Variants in SELENOI observed in about 807,000 individuals in gnomAD.
SELENOI encodes ethanolaminephosphotransferase 1.
Under a neutral mutation model 50.7 loss-of-function variants are expected in SELENOI, and 24 were observed. The observed-to-expected ratio is 0.47, with a 90% CI of 0.34 to 0.67. SELENOI has a LOEUF of 0.67. Ranked by LOEUF, SELENOI falls within the 30% of genes least tolerant of loss-of-function variation. The probability of loss-of-function intolerance (pLI) is 0.01; values close to 1 mark genes in which losing one functional copy is unlikely to be tolerated. For missense variants in SELENOI, 352 were observed against 461.4 expected (o/e 0.76, Z 2.17); for synonymous variants, 155 against 170.2 (o/e 0.91, Z 0.70).
intron 1 of SELENOI, 88 bp from the exon 2 acceptor site, chr2:26,364,214 C>A (rs1558414557): frequency 3.1e-6 from 3 of 979,014 alleles, no homozygotes; most frequent in Non-Finnish European, 4.7e-6. Context: ...CTGCGCCTGG[C>A]TTTACTATTA....
At chr2:26,374,492 G>A (rs1677523799) in intron 5 of SELENOI, among the ~76,000 whole-genome samples, 1 of 151,794 alleles carries the variant, frequency 6.6e-6, no homozygotes. Context: ...CTGTTAAAGT[G>A]CTCCAAATGA....
chr2:26,377,294 C>T (rs1677587883), intron 6 of SELENOI, among the ~76,000 whole-genome samples: 1 of 151,910 alleles, frequency 6.6e-6, no homozygotes, highest in Admixed American at 6.6e-5. Flanking sequence ...CTGCCATCTC[C>T]AATATGCTGT....
intron 9 of SELENOI, among the ~76,000 whole-genome samples, 191 bp downstream of exon 9, chr2:26,386,727 A>G (rs1485487217): frequency 6.6e-6 from 1 of 152,184 alleles, no homozygotes; most frequent in Non-Finnish European, 1.5e-5. Context: ...TTGTTTCTCT[A>G]ATGAGTATGT....
intron 6 of SELENOI, among the ~76,000 whole-genome samples, chr2:26,382,390 G>A (rs1677724884): frequency 6.6e-6 from 1 of 152,212 alleles, no homozygotes; most frequent in Non-Finnish European, 1.5e-5. Context: ...TTTCAGTTTA[G>A]TGGATAGTCA....
rs1322359354 is a variant in SELENOI at position 26,391,239 on chromosome 2, T to C, written c.*2136T>C. The C allele has an allele frequency of 6.6e-6, 1 of 152,206 alleles. No individual in the cohort carries two copies. Among genetic ancestry groups the C allele is most frequent in the Non-Finnish European group, 1.5e-5 (1 of 68,034 alleles). 9.4% of individuals were successfully genotyped at this position (152,206 alleles called of 1,614,324 possible). ...GATGCCATAGTCAGTTTTATTGACATTGTTAGATGAAAGAAAAGTAGCTGT... is the reference window on the plus strand; with the variant it reads ...GATGCCATAGTCAGTTTTATTGACACTGTTAGATGAAAGAAAAGTAGCTGT... On this transcript the variant is annotated 3_prime_UTR_variant, in exon 10 of 10. Coordinates refer to ENST00000260585, the MANE Select transcript of SELENOI (RefSeq NM_033505.4).
In SELENOI at chr2:26,373,358, T is replaced by A; in HGVS notation, c.311-9T>A. 1 of 1,602,344 alleles carries A rather than the reference T, an allele frequency of 6.2e-7. No homozygotes were observed. Among genetic ancestry groups the A allele is most frequent in the Non-Finnish European group, 8.5e-7 (1 of 1,172,804 alleles). Reference sequence around the variant, plus strand: ...GTTGAACTTTTCCTGTGGTTTGTTTTTGTTGCAGATGGTGTGGACGGAAAG... The same window carrying A: ...GTTGAACTTTTCCTGTGGTTTGTTTATGTTGCAGATGGTGTGGACGGAAAG... On this transcript the variant is annotated splice_polypyrimidine_tract_variant and intron_variant, in intron 4 of 9. Coordinates refer to ENST00000260585, the MANE Select transcript of SELENOI (RefSeq NM_033505.4).
chr2:26,380,698 C>T (rs1677672596), intron 6 of SELENOI, among the ~76,000 whole-genome samples: 1 of 152,186 alleles, frequency 6.6e-6, no homozygotes. Context: ...CTTAAAATTA[C>T]CATATTCCCC....
chr2:26,385,168 A>G, intron 8 of SELENOI, 29 bp downstream of exon 8: 1 of 1,322,408 alleles, frequency 7.6e-7, no homozygotes, highest in Non-Finnish European at 1.0e-6. Context: ...AAAAATCATA[A>G]TATATATTAG....
rs577221213 is a variant in SELENOI at position 26,346,492 on chromosome 2, C to T, written c.57+203C>T. ...CTAAGCCCGCCGCCCGTAGTCGGCA[C>T]CCCCCGGGAGATTTCCTTTTCCTTA... On this transcript the variant is annotated intron_variant, in intron 1 of 9. Coordinates refer to ENST00000260585, the MANE Select transcript of SELENOI (RefSeq NM_033505.4). The T allele has an allele frequency of 2.8e-5, 15 of 536,218 alleles. 1 individual carries two copies. In the South Asian group the frequency reaches 3.9e-4, roughly 14 times the overall value. The allele number at this position is 536,218 out of a possible 1,614,324, so 33.2% of individuals were successfully genotyped here.
chr2:26,388,073 G>GA lies in SELENOI; in HGVS notation c.1096-926dup, dbSNP rs1677884124. ...ACAAACTAGATACAATTGTTAAGGA[G>GA]AAAAAAGCTGTGATGAATTGTGATA... On this transcript the variant is annotated intron_variant, in intron 9 of 9. Coordinates refer to ENST00000260585, the MANE Select transcript of SELENOI (RefSeq NM_033505.4). Among the ~76,000 whole-genome samples the GA allele has an allele frequency of 4.6e-5, 7 of 152,232 alleles. No individual in the cohort carries two copies. In the South Asian group the frequency reaches 1.5e-3, roughly 32 times the overall value.
rs1320435442 is a variant in SELENOI at position 26,392,009 on chromosome 2, A to G, written c.*2906A>G. ...TATTCCTCCTTGTCATTTTAATGTC[A>G]TTATTGAAATACTTTTAATTCTAAT... On this transcript the variant is annotated 3_prime_UTR_variant, in exon 10 of 10. Transcript: ENST00000260585. The G allele has an allele frequency of 6.6e-6, 1 of 152,220 alleles. No individual in the cohort carries two copies. Among genetic ancestry groups the G allele is most frequent in the Non-Finnish European group, 1.5e-5 (1 of 68,048 alleles). 9.4% of individuals were successfully genotyped at this position (152,220 alleles called of 1,614,324 possible).
chr2:26,352,408 T>C (rs1361220428), intron 1 of SELENOI, among the ~76,000 whole-genome samples: 1 of 152,206 alleles, frequency 6.6e-6, no homozygotes, highest in African/African-American at 2.4e-5. Context: ...ATTCTAAAGA[T>C]AGACGTCAAA....
chr2:26,378,831 A>G (rs1333939252), intron 6 of SELENOI, among the ~76,000 whole-genome samples: 1 of 152,228 alleles, frequency 6.6e-6, no homozygotes, highest in East Asian at 1.9e-4. Context: ...ATTATTTTAA[A>G]GCAAATCCCA....
At chr2:26,375,435 G>A (rs941440211) in intron 6 of SELENOI, among the ~76,000 whole-genome samples, 28 of 152,294 alleles carry the variant, frequency 1.8e-4, no homozygotes, top group African/African-American at 5.5e-4. Context: ...CTGTATTGGA[G>A]GGTCCACATT....
intron 5 of SELENOI, 48 bp downstream of exon 5, chr2:26,373,677 T>G: frequency 6.4e-7 from 1 of 1,574,224 alleles, no homozygotes; most frequent in Non-Finnish European, 8.6e-7. Context: ...ATGATACTTT[T>G]GGAAAGCTTT....
rs765736793 is a variant in SELENOI at position 26,389,061 on chromosome 2, C to T, written c.1152C>T (p.Asn384=). 13 of 1,587,616 alleles carry T rather than the reference C, an allele frequency of 8.2e-6. No individual in the cohort carries two copies. Among genetic ancestry groups the T allele is most frequent in the Non-Finnish European group, 1.0e-5 (12 of 1,165,720 alleles). Residue 384 remains asparagine (N), a synonymous_variant, in exon 10 of 10, where the codon AAC becomes AAT. Transcript: ENST00000260585. ...QIYPFSLRKP[N]SDULGMEEKN... Reference sequence around the variant, plus strand: ...ACCCCTTCTCATTGAGGAAACCAAACTCAGATTGACTAGGAATGGAAGAAA... The same window carrying T: ...ACCCCTTCTCATTGAGGAAACCAAATTCAGATTGACTAGGAATGGAAGAAA...
At chr2:26,353,105 C>T (rs939934772) in intron 1 of SELENOI, among the ~76,000 whole-genome samples, 1 of 151,986 alleles carries the variant, frequency 6.6e-6, no homozygotes, top group Non-Finnish European at 1.5e-5. Flanking sequence ...ACATAAAAGA[C>T]GGGGAGGAGT....
At chr2:26,386,159 G>A (rs1197540598) in intron 8 of SELENOI, among the ~76,000 whole-genome samples, 195 bp from the exon 9 acceptor site, 5 of 152,090 alleles carry the variant, frequency 3.3e-5, no homozygotes, top group Non-Finnish European at 7.4e-5. Context: ...ACACTCTGAG[G>A]TTACATGGGT....
chr2:26,352,567 C>T (rs770923746), intron 1 of SELENOI, among the ~76,000 whole-genome samples: 2 of 152,082 alleles, frequency 1.3e-5, no homozygotes, highest in Non-Finnish European at 2.9e-5. Flanking sequence ...AGGTGGATCA[C>T]GAGGTCAGGA....
Sources: gnomAD v4.1 joint callset for allele counts (sites outside exome capture counted in the v4.1 genomes callset) on GRCh38, gnomAD v4.1.1 for gene constraint, MANE v1.5 for transcripts, NCBI Gene and HGNC (gene_info 2026-07-23, HGNC 2026-07-21) for gene names.